TMEM65: variants seen among roughly 807,000 people sequenced by gnomAD.
The protein encoded by TMEM65 is transmembrane protein 65.
Under a neutral mutation model 25.4 loss-of-function variants are expected in TMEM65, and 22 were observed. That is an observed-to-expected ratio of 0.86 (90% confidence interval 0.62 to 1.23). The LOEUF (loss-of-function observed/expected upper bound fraction) is 1.23. TMEM65 is among the 50% of genes most tolerant of loss of function. The probability of loss-of-function intolerance (pLI) is 0.00; values close to 1 mark genes in which losing one functional copy is unlikely to be tolerated. For synonymous variants in TMEM65, 132 were observed against 126.2 expected (o/e 1.05, Z -0.31); for missense variants, 262 against 308.2 (o/e 0.85, Z 1.12).
In TMEM65 at chr8:124,309,168, A is replaced by G. The variant is rs938640444; in HGVS notation, c.*4792T>C. 3.3e-5 allele frequency: 5 copies of G among 152,062 alleles called. No individual in the cohort carries two copies. Among genetic ancestry groups the G allele is most frequent in the African/African-American group, 1.2e-4 (5 of 41,278 alleles). 9.4% of individuals were successfully genotyped at this position (152,062 alleles called of 1,614,324 possible). The stretch of plus-strand genomic sequence containing the variant: ...TATTTTAATACAATATATGATACAT[A>G]TAACATACAAAATACGTGTTAATCT... On this transcript the variant is annotated 3_prime_UTR_variant, in exon 7 of 7. Transcript: ENST00000297632.
At chr8:124,336,109 TACCAGAAATAA>T (rs1814503623) in intron 1 of TMEM65, among the ~76,000 whole-genome samples, 1 of 151,974 alleles carries the variant, frequency 6.6e-6, no homozygotes, top group Non-Finnish European at 1.5e-5. Flanking sequence ...CAAAGAGTAT[TACCAGAAATAA>T]ACCAGGGACA....
In TMEM65 at chr8:124,313,715, T is replaced by A. The variant is rs1025496916; in HGVS notation, c.*245A>T. On this transcript the variant is annotated 3_prime_UTR_variant, in exon 7 of 7. Transcript: ENST00000297632. Reference sequence around the variant, plus strand: ...ACATTATGAATATAAAAAGAAAGGATAAAATGTTGACTGCTATTGATGAAA... The same window carrying A: ...ACATTATGAATATAAAAAGAAAGGAAAAAATGTTGACTGCTATTGATGAAA... 2 of 401,878 alleles carry A rather than the reference T, an allele frequency of 5.0e-6. No homozygotes were observed. Among genetic ancestry groups the A allele is most frequent in the Non-Finnish European group, 8.9e-6 (2 of 225,316 alleles). 24.9% of individuals were successfully genotyped at this position (401,878 alleles called of 1,614,324 possible).
intron 1 of TMEM65, among the ~76,000 whole-genome samples, chr8:124,365,052 G>A (rs990154471): frequency 2.6e-5 from 4 of 152,092 alleles, no homozygotes; most frequent in African/African-American, 7.2e-5. Flanking sequence ...TTTCAAGATC[G>A]TGATCTGTAG....
At chr8:124,352,475 CATAAA>C (rs202063585) in intron 1 of TMEM65, among the ~76,000 whole-genome samples, 31,637 of 127,480 alleles carry the variant, frequency 0.25, 4,148 homozygotes, top group East Asian at 0.37. Context: ...AATTTACTAT[CATAAA>C]ATAAAATAAA....
intron 6 of TMEM65, among the ~76,000 whole-genome samples, chr8:124,318,000 T>TA (rs553161072): frequency 9.6e-4 from 146 of 152,088 alleles, no homozygotes; most frequent in Middle Eastern, 6.8e-3. Context: ...CTGATAAGCT[T>TA]AAAAAAAATC....
At chr8:124,331,021 T>C (rs1001188862) in intron 1 of TMEM65, among the ~76,000 whole-genome samples, 2 of 151,986 alleles carry the variant, frequency 1.3e-5, no homozygotes, top group Admixed American at 6.6e-5. Flanking sequence ...AAGCTTAACA[T>C]GGACTCTAGC....
intron 1 of TMEM65, among the ~76,000 whole-genome samples, chr8:124,369,544 AG>A (rs1236497708): frequency 6.6e-6 from 1 of 152,252 alleles, no homozygotes; most frequent in Non-Finnish European, 1.5e-5. Context: ...TAATTTTGTT[AG>A]AAAGTACACT....
intron 5 of TMEM65, among the ~76,000 whole-genome samples, chr8:124,321,648 C>A (rs982430992): frequency 1.3e-5 from 2 of 152,086 alleles, no homozygotes; most frequent in African/African-American, 4.8e-5. Flanking sequence ...TCCTCAAATT[C>A]GAGCCATATC....
intron 1 of TMEM65, among the ~76,000 whole-genome samples, chr8:124,360,936 T>C (rs929000678): frequency 6.6e-6 from 1 of 152,250 alleles, no homozygotes; most frequent in Non-Finnish European, 1.5e-5. Flanking sequence ...TAAAATTAAA[T>C]AGGACTGGCT....
intron 1 of TMEM65, among the ~76,000 whole-genome samples, chr8:124,368,254 T>C (rs1814967033): frequency 6.7e-6 from 1 of 150,114 alleles, no homozygotes; most frequent in African/African-American, 2.5e-5. Flanking sequence ...GCTTATAGTA[T>C]ACATATTATA....
At chr8:124,315,484 G>A (rs944576371) in intron 6 of TMEM65, among the ~76,000 whole-genome samples, 1 of 151,884 alleles carries the variant, frequency 6.6e-6, no homozygotes, top group East Asian at 1.9e-4. Context: ...ACCACGCCCG[G>A]CTAATTTTTT....
intron 1 of TMEM65, among the ~76,000 whole-genome samples, chr8:124,371,538 C>T (rs888287962): frequency 2.0e-5 from 3 of 152,256 alleles, no homozygotes; most frequent in African/African-American, 7.2e-5. Flanking sequence ...CGGGGCAAAT[C>T]AAAACTCAAT....
rs2131191243 is a variant in TMEM65 at position 124,313,996 on chromosome 8, T to C, written c.687A>G (p.Gly229=). The change falls in exon 7 of 7, where the codon GGA becomes GGG. Residue 229 remains glycine (G), a synonymous_variant. Coordinates refer to ENST00000297632, the MANE Select transcript of TMEM65 (RefSeq NM_194291.3). ...TTTCCAGTTTTTCATCTTCTTCACC[T>C]CCTCCAAAGAAAATTAAAGGAAACA... ...LGMFPLIFFG[G]GEEDEKLETK... 2 of 1,613,500 alleles carry C rather than the reference T, an allele frequency of 1.2e-6. No individual in the cohort carries two copies. Among genetic ancestry groups the C allele is most frequent in the South Asian group, 2.2e-5 (2 of 91,038 alleles).
intron 1 of TMEM65, among the ~76,000 whole-genome samples, chr8:124,343,363 A>C (rs752998864): frequency 3.5e-4 from 53 of 152,140 alleles, no homozygotes; most frequent in Non-Finnish European, 5.1e-4. Context: ...TGAGAGGTTT[A>C]AATGCAAGAT....
At chr8:124,343,293 T>C (rs1222821438) in intron 1 of TMEM65, among the ~76,000 whole-genome samples, 1 of 152,144 alleles carries the variant, frequency 6.6e-6, no homozygotes, top group East Asian at 1.9e-4. Context: ...AAGTCCTATG[T>C]CCCTGATAAT....
At chr8:124,346,290 C>T (rs994517244) in intron 1 of TMEM65, among the ~76,000 whole-genome samples, 8 of 152,046 alleles carry the variant, frequency 5.3e-5, no homozygotes, top group Non-Finnish European at 7.4e-5. Flanking sequence ...GTCCCTCCCT[C>T]GACAGGTGGG....
At position 124,306,908 on chromosome 8, in the gene TMEM65, C is replaced by A. The variant is rs930434517; in HGVS notation, c.*7052G>T. The A allele has an allele frequency of 6.6e-6, 1 of 151,640 alleles. No individual in the cohort carries two copies. Among genetic ancestry groups the A allele is most frequent in the African/African-American group, 2.4e-5 (1 of 41,216 alleles). 9.4% of individuals were successfully genotyped at this position (151,640 alleles called of 1,614,324 possible). On this transcript the variant is annotated 3_prime_UTR_variant, in exon 7 of 7. Transcript: ENST00000297632. ...AGGTTGCAGTGAGCCGGCATGGTGCCACTGCACTCCAGCCTGGACAACAGA... is the reference window on the plus strand; with the variant it reads ...AGGTTGCAGTGAGCCGGCATGGTGCAACTGCACTCCAGCCTGGACAACAGA...
chr8:124,343,910 G>T (rs939306580), intron 1 of TMEM65, among the ~76,000 whole-genome samples: 4 of 152,136 alleles, frequency 2.6e-5, no homozygotes, highest in African/African-American at 9.7e-5. Context: ...GTTAAATTAC[G>T]CCAGAAATTG....
chr8:124,350,484 C>T (rs568308415), intron 1 of TMEM65, among the ~76,000 whole-genome samples: 6,315 of 69,822 alleles, frequency 0.09, 472 homozygotes, highest in African/African-American at 0.19. Context: ...CTCTCACACA[C>T]ACACACACAC....
Sources: allele counts gnomAD v4.1 joint callset (sites outside exome capture counted in the v4.1 genomes callset), GRCh38; gene constraint gnomAD v4.1.1; transcripts MANE v1.5; gene names NCBI Gene and HGNC (gene_info 2026-07-23, HGNC 2026-07-21).